Variants in HIVEP3 observed in about 807,000 individuals in gnomAD.
HIVEP3 encodes the protein HIVEP zinc finger 3, also known as transcription factor HIVEP3.
Under a neutral mutation model 152.8 loss-of-function variants are expected in HIVEP3, and 49 were observed. The ratio of observed to expected loss-of-function variants is 0.32; its 90% CI spans 0.26 to 0.41. The LOEUF is 0.41. HIVEP3 is among the 10% of genes least tolerant of loss of function. HIVEP3 has a pLI of 1.00. For missense variants in HIVEP3, 2,790 were observed against 3,103.3 expected, an observed-to-expected ratio of 0.90 and a Z score of 2.40; for synonymous variants, 1,269 against 1,289.0, an observed-to-expected ratio of 0.98 and a Z score of 0.33.
chr1:41,648,478 A>C (rs1317209761), intron 2 of HIVEP3, among the ~76,000 whole-genome samples: 1 of 152,202 alleles, frequency 6.6e-6, no homozygotes, highest in African/African-American at 2.4e-5. Flanking sequence ...GGCTGCAGCC[A>C]CCATGTCCCA....
chr1:41,965,596 T>C (rs768417711), intron 1 of HIVEP3, among the ~76,000 whole-genome samples: 5 of 152,114 alleles, frequency 3.3e-5, no homozygotes, highest in Admixed American at 6.5e-5. Flanking sequence ...AGTATATCAA[T>C]AGCCGAACAG....
At chr1:41,820,678 T>C (rs1167163705) in intron 1 of HIVEP3, among the ~76,000 whole-genome samples, 1 of 152,226 alleles carries the variant, frequency 6.6e-6, no homozygotes, top group African/African-American at 2.4e-5. Context: ...CTACTGTCTT[T>C]TAGGTAACAG....
chr1:41,582,397 G>A lies in HIVEP3; in HGVS notation c.2401C>T (p.Gln801Ter). 6.2e-7 allele frequency: 1 copy of A among 1,614,216 alleles called. No homozygotes were observed. The highest frequency in any genetic ancestry group is 8.5e-7 in the Non-Finnish European group (1 of 1,180,036). ...RTTSKEISVI[Q>*]HTSSFEKSDS... ...GATTTCTCAAAGGAGCTGGTGTGCT[G>A]GATGACAGAAATTTCTTTGGACGTT... Residue 801 changes from glutamine (Q) to a stop codon, truncating the protein, a stop_gained, in exon 4 of 9, where the codon CAG (glutamine) becomes TAG (stop). Coordinates refer to ENST00000372583, the MANE Select transcript of HIVEP3 (RefSeq NM_024503.5). LOFTEE classifies it high-confidence loss of function. The surrounding 1 kb of genome is among the most constrained non-coding windows in gnomAD (Gnocchi z 4.7).
At chr1:41,997,036 T>G (rs1645399584) in intron 1 of HIVEP3, among the ~76,000 whole-genome samples, 1 of 152,210 alleles carries the variant, frequency 6.6e-6, no homozygotes, top group South Asian at 2.1e-4. Context: ...TCAAGATCCT[T>G]AACTCAATCA....
Position 41,584,093 on chromosome 1 carries a change from G to A in HIVEP3, c.705C>T (p.Leu235=), listed in dbSNP as rs1009282668. 2 of 1,614,198 alleles carry A rather than the reference G, an allele frequency of 1.2e-6. No homozygotes were observed. The highest frequency in any genetic ancestry group is 1.6e-4 in the Middle Eastern group (1 of 6,062). Residue 235 remains leucine, a synonymous_variant, in exon 4 of 9, where the codon CTC becomes CTT. Transcript: ENST00000372583. The surrounding 1 kb of genome is among the most constrained non-coding windows in gnomAD (Gnocchi z 5.2). ...GGGCATGGGACTTCCTGTGCTTGTA[G>A]AGATTACTCTTGGTCTTGAAGGAGA... ...CGFSFKTKSN[L]YKHRKSHAHR...
intron 1 of HIVEP3, among the ~76,000 whole-genome samples, chr1:41,881,408 A>G (rs1402993736): frequency 6.6e-6 from 1 of 152,216 alleles, no homozygotes; most frequent in East Asian, 1.9e-4. Flanking sequence ...TCTGACTCCA[A>G]AATTTCACAT....
intron 2 of HIVEP3, among the ~76,000 whole-genome samples, chr1:41,636,378 A>C (rs1380947712): frequency 6.6e-6 from 1 of 152,240 alleles, no homozygotes; most frequent in Non-Finnish European, 1.5e-5. Context: ...AACTATTAAA[A>C]TATTTCTATA....
intron 1 of HIVEP3, among the ~76,000 whole-genome samples, chr1:41,928,748 G>GT (rs1644980597): frequency 6.6e-6 from 1 of 152,140 alleles, no homozygotes; most frequent in African/African-American, 2.4e-5. Flanking sequence ...TTTGTCTGAT[G>GT]TTTTTTCGTG....
chr1:41,518,817 G>T (rs1358262681), intron 6 of HIVEP3, among the ~76,000 whole-genome samples: 3 of 134,718 alleles, frequency 2.2e-5, no homozygotes, highest in Non-Finnish European at 4.8e-5. Flanking sequence ...AGTGCAATAG[G>T]TTTTTTTTTT....
chr1:41,612,001 C>T (rs1037352091), intron 3 of HIVEP3, among the ~76,000 whole-genome samples: 14 of 152,068 alleles, frequency 9.2e-5, no homozygotes, highest in Non-Finnish European at 1.5e-4. Context: ...CAGGACCCAA[C>T]CTCACCTCAC....
At chr1:42,014,175 A>G (rs1645508487) in intron 1 of HIVEP3, among the ~76,000 whole-genome samples, 1 of 152,150 alleles carries the variant, frequency 6.6e-6, no homozygotes, top group Non-Finnish European at 1.5e-5. Flanking sequence ...AAAGGACAGC[A>G]TTTCCTGAAG....
intron 3 of HIVEP3, among the ~76,000 whole-genome samples, chr1:41,589,245 T>C (rs12080169): frequency 0.012 from 1,845 of 152,304 alleles, 35 homozygotes; most frequent in African/African-American, 0.04. Flanking sequence ...GGACAGCCTC[T>C]ACTGATGGTC....
chr1:41,809,696 C>A (rs1331937487), intron 1 of HIVEP3, among the ~76,000 whole-genome samples: 1 of 152,100 alleles, frequency 6.6e-6, no homozygotes, highest in African/African-American at 2.4e-5. Flanking sequence ...CAGAATTGTC[C>A]CAGATGATCT....
At chr1:41,903,917 T>G (rs911193777) in intron 1 of HIVEP3, among the ~76,000 whole-genome samples, 1 of 151,320 alleles carries the variant, frequency 6.6e-6, no homozygotes, top group Non-Finnish European at 1.5e-5. Flanking sequence ...TTTTTTTTTT[T>G]TTGAGACAGT....
intron 1 of HIVEP3, among the ~76,000 whole-genome samples, chr1:41,957,933 G>T (rs1645148610): frequency 1.3e-5 from 2 of 152,168 alleles, no homozygotes; most frequent in South Asian, 4.1e-4. Context: ...ATCAACCACA[G>T]GTGAGTTTTC....
intron 2 of HIVEP3, among the ~76,000 whole-genome samples, chr1:41,679,843 C>T (rs1284573617): frequency 3.3e-5 from 5 of 152,224 alleles, no homozygotes; most frequent in African/African-American, 7.2e-5. Flanking sequence ...TGCCTCTACT[C>T]GCTTGCCACA....
At chr1:41,979,358 A>G (rs1645282283) in intron 1 of HIVEP3, among the ~76,000 whole-genome samples, 2 of 152,176 alleles carry the variant, frequency 1.3e-5, no homozygotes, top group Admixed American at 1.3e-4. Context: ...TGCTGGCTCG[A>G]AGACCATCAG....
intron 2 of HIVEP3, among the ~76,000 whole-genome samples, chr1:41,651,103 C>A (rs1222188470): frequency 6.6e-6 from 1 of 152,128 alleles, no homozygotes; most frequent in South Asian, 2.1e-4. Flanking sequence ...AATCGAGGAT[C>A]AAAAATAGTT....
intron 1 of HIVEP3, among the ~76,000 whole-genome samples, chr1:41,712,785 C>T (rs1646533807): frequency 6.6e-6 from 1 of 152,214 alleles, no homozygotes; most frequent in African/African-American, 2.4e-5. Context: ...CTCCCTCCAT[C>T]CTCCCTGGGG....
Sources: gnomAD v4.1 joint callset for allele counts (sites outside exome capture counted in the v4.1 genomes callset) on GRCh38, gnomAD v4.1.1 for gene constraint, Gnocchi (gnomAD v3.1) non-coding constraint, MANE v1.5 for transcripts, NCBI Gene and HGNC (gene_info 2026-07-23, HGNC 2026-07-21) for gene names.